Variants in MGA observed in about 807,000 individuals in gnomAD.
MGA encodes the protein MAX gene-associated protein.
Under a neutral mutation model 261.1 loss-of-function variants are expected in MGA, and 40 were observed. The observed-to-expected ratio is 0.15, with a 90% CI of 0.12 to 0.20. The LOEUF is 0.20. MGA is among the 10% of genes least tolerant of loss of function. The pLI is 1.00. For synonymous variants in MGA, 1,302 were observed against 1,290.6 expected (o/e 1.01, Z -0.19); for missense variants, 3,397 against 3,630.5 (o/e 0.94, Z 1.65).
Position 41,711,182 on chromosome 15 carries a change from G to T in MGA, c.2917G>T (p.Ala973Ser). 6.2e-7 allele frequency: 1 copy of T among 1,613,968 alleles called. No individual in the cohort carries two copies. The highest frequency in any genetic ancestry group is 8.5e-7 in the Non-Finnish European group (1 of 1,179,898). Residue 973 changes from alanine to serine, a missense_variant, in exon 8 of 24, where the codon GCA (alanine) becomes TCA (serine). Around this residue, in one of 9 missense-constraint regions of MGA, gnomAD observed 519 missense variants for 554.1 expected, o/e 0.94. Transcript: ENST00000219905. ...TCCAAAGCAGATTAGTTTGCGGCAG[G>T]CACAGCAGCAGCAGCAACAGCAACA...
At chr15:41,731,609 T>C (rs998842014) in intron 11 of MGA, among the ~76,000 whole-genome samples, 3 of 152,202 alleles carry the variant, frequency 2.0e-5, no homozygotes, top group African/African-American at 7.2e-5. Context: ...TCCCTAGTCT[T>C]CAGTTTGTTT....
chr15:41,739,606 A>G (rs1417002365), intron 13 of MGA, among the ~76,000 whole-genome samples: 4 of 152,204 alleles, frequency 2.6e-5, no homozygotes, highest in Admixed American at 6.5e-5. Context: ...GGATAATTCT[A>G]GTTGTTTAGA....
chr15:41,761,416 A>AG (rs1263746984), intron 20 of MGA, among the ~76,000 whole-genome samples: 1 of 152,238 alleles, frequency 6.6e-6, no homozygotes, highest in African/African-American at 2.4e-5. Flanking sequence ...TGGTTAGACT[A>AG]GGAGTTGATC....
At chr15:41,659,327 C>T (rs2057282236), upstream of MGA, among the ~76,000 whole-genome samples, 1 of 152,004 alleles carries the variant, frequency 6.6e-6, no homozygotes, top group Non-Finnish European at 1.5e-5. Context: ...TCTGTTGACT[C>T]CTTCCTTAGT....
intron 8 of MGA, 75 bp downstream of exon 8, chr15:41,711,424 A>G (rs988720886): frequency 5.6e-6 from 8 of 1,429,004 alleles, no homozygotes; most frequent in Non-Finnish European, 6.5e-6. Context: ...GGAAATGGGA[A>G]TGGTACTTTT....
intron 19 of MGA, among the ~76,000 whole-genome samples, chr15:41,759,750 G>A (rs771122052): frequency 3.3e-5 from 5 of 152,162 alleles, no homozygotes; most frequent in Non-Finnish European, 4.4e-5. Flanking sequence ...AGTTTTAAAT[G>A]TTAAGTTTTA....
chr15:41,743,229 T>C, intron 15 of MGA, 57 bp downstream of exon 15: 2 of 1,489,606 alleles, frequency 1.3e-6, no homozygotes, highest in Non-Finnish European at 1.8e-6. Flanking sequence ...TTATATAACT[T>C]TGTGGTTGTG....
At chr15:41,643,220 A>T (rs866408663) in intron 1 of MGA, among the ~76,000 whole-genome samples, 48 of 132,692 alleles carry the variant, frequency 3.6e-4, no homozygotes, top group Middle Eastern at 8.6e-3. Flanking sequence ...TTTTTTTTTA[A>T]TTTATTTTAT....
chr15:41,736,881 G>A (rs1200002394), intron 13 of MGA, among the ~76,000 whole-genome samples, 183 bp downstream of exon 13: 7 of 152,056 alleles, frequency 4.6e-5, no homozygotes, highest in African/African-American at 1.7e-4. Context: ...GTGAATTTTT[G>A]TCACATTTAT....
chr15:41,624,064 C>G (rs2056381743), intron 1 of MGA, among the ~76,000 whole-genome samples: 1 of 150,622 alleles, frequency 6.6e-6, no homozygotes, highest in African/African-American at 2.4e-5. Context: ...CCGAGCCCAG[C>G]AAATTAAATT....
chr15:41,636,837 C>T (rs2056719765), intron 1 of MGA, among the ~76,000 whole-genome samples: 1 of 152,118 alleles, frequency 6.6e-6, no homozygotes, highest in African/African-American at 2.4e-5. Context: ...AAGCGTGAGC[C>T]ACCACACCTG....
At chr15:41,621,252 A>G (rs1465254492) in exon 1 of MGA, 2 of 152,256 alleles carry the variant, frequency 1.3e-5, no homozygotes, top group Admixed American at 1.3e-4. Flanking sequence ...GGGAGCGCCC[A>G]AGGGCGATGG....
chr15:41,663,369 T>TAC (rs1435719815), intron 1 of MGA, among the ~76,000 whole-genome samples: 2 of 152,198 alleles, frequency 1.3e-5, no homozygotes, highest in African/African-American at 4.8e-5. Context: ...GGTATATATA[T>TAC]ACCAAAATTG....
chr15:41,698,837 T>A, intron 3 of MGA, 26 bp from the exon 4 acceptor site: 1 of 1,419,534 alleles, frequency 7.0e-7, no homozygotes, highest in Non-Finnish European at 9.5e-7. Flanking sequence ...TATGAACTAC[T>A]ATTTTTTTTT....
rs1039289531 is a variant in MGA, at chr15:41,630,941, GTTGA to G, written c.-68+9646_-68+9649del. On this transcript the variant is annotated intron_variant, in intron 1 of 8. Coordinates refer to the MGA transcript ENST00000566718. Reference sequence around the variant, plus strand: ...TTTCAGCCTGTGAGTCCAAAGTAGGGTTGATTATTTTGTCATTCAATCATAAGCA... The same window carrying G: ...TTTCAGCCTGTGAGTCCAAAGTAGGGTTATTTTGTCATTCAATCATAAGCA... Among the ~76,000 whole-genome samples, 24 of 152,134 alleles carry G rather than the reference GTTGA, an allele frequency of 1.6e-4. 1 individual carries two copies. In the South Asian group the frequency reaches 3.5e-3, roughly 22 times the overall value.
chr15:41,733,354 A>G (rs1278983057), intron 11 of MGA, among the ~76,000 whole-genome samples: 3 of 152,222 alleles, frequency 2.0e-5, no homozygotes, highest in African/African-American at 7.2e-5. Flanking sequence ...GAATGATAAA[A>G]GAGTCTAGGT....
chr15:41,726,520 G>A (rs372006520), intron 9 of MGA, among the ~76,000 whole-genome samples: 3 of 152,248 alleles, frequency 2.0e-5, no homozygotes, highest in African/African-American at 7.2e-5. Context: ...CTTGAGGCCA[G>A]GAGTTCGAGA....
At chr15:41,654,666 C>T (rs911846963) in intron 1 of MGA, among the ~76,000 whole-genome samples, 13 of 152,174 alleles carry the variant, frequency 8.5e-5, no homozygotes, top group Admixed American at 3.9e-4. Flanking sequence ...GCTGAGATTA[C>T]AGGCATGAGC....
At chr15:41,738,805 C>CA (rs2061935086) in intron 13 of MGA, among the ~76,000 whole-genome samples, 1 of 152,148 alleles carries the variant, frequency 6.6e-6, no homozygotes, top group African/African-American at 2.4e-5. Flanking sequence ...ACAGTAAAGT[C>CA]TACTTTCAGG....
Sources: gnomAD v4.1 joint callset for allele counts (sites outside exome capture counted in the v4.1 genomes callset) on GRCh38, gnomAD v4.1.1 for gene constraint, gnomAD v4.1.1 regional missense constraint, MANE v1.5 for transcripts, NCBI Gene and HGNC (gene_info 2026-07-23, HGNC 2026-07-21) for gene names.